MAGI2: variants seen among roughly 807,000 people sequenced by gnomAD.
MAGI2 encodes the protein membrane associated guanylate kinase, WW and PDZ domain containing 2.
MAGI2 carries 35 observed loss-of-function variants against 133.3 expected under a neutral mutation model. The observed-to-expected ratio is 0.26, with a 90% CI of 0.20 to 0.35. The LOEUF (loss-of-function observed/expected upper bound fraction) is 0.35, where lower values mean the gene tolerates loss of function less well. MAGI2 is among the 10% of genes least tolerant of loss of function. MAGI2 has a pLI of 1.00. For synonymous variants in MAGI2, 729 were observed against 710.6 expected (o/e 1.03, Z -0.41); for missense variants, 1,636 against 1,863.4 (o/e 0.88, Z 2.25).
chr7:78,393,771 C>A (rs924167004), intron 6 of MAGI2, among the ~76,000 whole-genome samples: 1 of 152,042 alleles, frequency 6.6e-6, no homozygotes, highest in Admixed American at 6.6e-5. Flanking sequence ...AGTATGTGCA[C>A]GACATTGCCT....
intron 1 of MAGI2, among the ~76,000 whole-genome samples, chr7:79,026,087 T>G (rs760025647): frequency 6.6e-6 from 1 of 152,212 alleles, no homozygotes; most frequent in Non-Finnish European, 1.5e-5. Context: ...TAAAATTTCC[T>G]GAAAATTCAC....
intron 20 of MAGI2, among the ~76,000 whole-genome samples, chr7:78,115,264 A>T (rs971731654): frequency 2.0e-5 from 3 of 152,190 alleles, no homozygotes; most frequent in Admixed American, 1.3e-4. Flanking sequence ...CCTTGCATGA[A>T]CCGGAACCCC....
intron 9 of MAGI2, among the ~76,000 whole-genome samples, chr7:78,267,871 CA>C (rs999057771): frequency 3.3e-5 from 5 of 152,250 alleles, no homozygotes; most frequent in South Asian, 4.2e-4. Context: ...TCAGACACAA[CA>C]GACAAATGGC....
intron 1 of MAGI2, among the ~76,000 whole-genome samples, chr7:79,159,323 G>A (rs1824119410): frequency 6.6e-6 from 1 of 151,948 alleles, no homozygotes; most frequent in Admixed American, 6.6e-5. Context: ...AGACCAGCCT[G>A]GCCAACATGG....
At position 78,860,113 on chromosome 7, in the gene MAGI2, C is replaced by T. The variant is rs534851431; in HGVS notation, c.418+146977G>A. Among the ~76,000 whole-genome samples, 423 of 152,264 alleles carry T rather than the reference C, an allele frequency of 2.8e-3. 4 individuals carry two copies. Among genetic ancestry groups the T allele is most frequent in the Non-Finnish European group, 4.2e-3 (289 of 68,022 alleles). On this transcript the variant is annotated intron_variant, in intron 2 of 21. Transcript: ENST00000354212. The stretch of plus-strand genomic sequence containing the variant: ...ATCAGGTCATTTAAGGTCTTCTCTA[C>T]GCTGTTTATTCTGGTTAGCCATTCG...
chr7:78,491,054 G>A (rs1164149141), intron 5 of MAGI2, among the ~76,000 whole-genome samples: 3 of 152,086 alleles, frequency 2.0e-5, no homozygotes, highest in East Asian at 1.9e-4. Flanking sequence ...AATTTCACAT[G>A]TATTCTCTTT....
chr7:79,070,153 C>T (rs1027694706), intron 1 of MAGI2, among the ~76,000 whole-genome samples: 1 of 152,066 alleles, frequency 6.6e-6, no homozygotes, highest in African/African-American at 2.4e-5. Context: ...TGTTGGCCTG[C>T]CTTGCTAGGC....
rs781377958 is a variant in MAGI2 at position 78,160,051 on chromosome 7, T to C, written c.2819A>G (p.Asn940Ser). The change falls in exon 16 of 22, where the codon AAC becomes AGC. Residue 940 changes from asparagine to serine, a missense_variant. Asn to Ser is a conservative substitution (Grantham distance 46, BLOSUM62 1). This residue lies in a region of MAGI2 where 920 missense variants were observed against 1,093.5 expected (regional missense o/e 0.84). Transcript: ENST00000354212. ...TATAGTGGATCCAGACTCAGGCCTG[T>C]TCAGGGAGCTGATGATGACAAAGCC... ...GFGFVIISSL[N>S]RPESGSTITV... 4.4e-6 allele frequency: 7 copies of C among 1,597,418 alleles called. No individual in the cohort carries two copies. In the South Asian group the frequency reaches 6.8e-5, roughly 16 times the overall value.
At chr7:78,468,299 G>A (rs1584275094) in intron 6 of MAGI2, among the ~76,000 whole-genome samples, 1 of 151,942 alleles carries the variant, frequency 6.6e-6, no homozygotes, top group African/African-American at 2.4e-5. Context: ...CTTTCTCAGG[G>A]GATGCAAACT....
At chr7:78,655,998 G>GA (rs1027876292) in intron 2 of MAGI2, among the ~76,000 whole-genome samples, 5 of 125,150 alleles carry the variant, frequency 4.0e-5, no homozygotes, top group Non-Finnish European at 6.8e-5. Context: ...AAAAAAAAAA[G>GA]AAAAAGAAAA....
intron 9 of MAGI2, among the ~76,000 whole-genome samples, chr7:78,294,155 C>T (rs995254256): frequency 6.6e-6 from 1 of 151,958 alleles, no homozygotes. Flanking sequence ...ATCATTTTTT[C>T]ACATTTTAAT....
intron 5 of MAGI2, among the ~76,000 whole-genome samples, chr7:78,492,946 A>G (rs62467106): frequency 0.089 from 13,555 of 152,236 alleles, 779 homozygotes; most frequent in Non-Finnish European, 0.13. Context: ...TTTTTAGGAT[A>G]AAGCTAATGT....
chr7:79,330,131 C>T (rs1839957223), intron 1 of MAGI2, among the ~76,000 whole-genome samples: 1 of 139,506 alleles, frequency 7.2e-6, no homozygotes, highest in Non-Finnish European at 1.5e-5. Context: ...GAAGAATGAT[C>T]AAATACCTCT....
intron 1 of MAGI2, among the ~76,000 whole-genome samples, chr7:79,019,065 C>T (rs558545876): frequency 3.3e-5 from 5 of 152,162 alleles, no homozygotes; most frequent in Non-Finnish European, 5.9e-5. Flanking sequence ...ACAAAATTCT[C>T]CACCACAAAA....
intron 1 of MAGI2, among the ~76,000 whole-genome samples, chr7:79,443,353 G>T (rs1185453740): frequency 2.7e-5 from 4 of 149,020 alleles, no homozygotes; most frequent in Non-Finnish European, 5.9e-5. Flanking sequence ...CAAATTTGTT[G>T]TTCACTGGGG....
intron 6 of MAGI2, among the ~76,000 whole-genome samples, chr7:78,412,784 A>G (rs575867921): frequency 6.6e-6 from 1 of 152,226 alleles, no homozygotes; most frequent in Non-Finnish European, 1.5e-5. Context: ...ACTGTTTTCA[A>G]GCTTTTAAAC....
intron 10 of MAGI2, among the ~76,000 whole-genome samples, chr7:78,231,446 TTGA>T (rs1271129286): frequency 6.6e-6 from 1 of 152,012 alleles, no homozygotes; most frequent in East Asian, 1.9e-4. Flanking sequence ...AGTACAACAA[TTGA>T]TGATAAACAG....
At chr7:78,445,473 GTT>G (rs1788042555) in intron 6 of MAGI2, among the ~76,000 whole-genome samples, 1 of 151,946 alleles carries the variant, frequency 6.6e-6, no homozygotes, top group Non-Finnish European at 1.5e-5. Context: ...ATGTCTGTTG[GTT>G]GATATATAAT....
chr7:78,627,036 GTAA>G (rs953708751), intron 3 of MAGI2, 81 bp downstream of exon 3: 6 of 1,391,578 alleles, frequency 4.3e-6, no homozygotes, highest in Non-Finnish European at 5.6e-6. Flanking sequence ...CAGCCCATTA[GTAA>G]CCTGGTGTCC....
Sources: allele counts gnomAD v4.1 joint callset (sites outside exome capture counted in the v4.1 genomes callset), GRCh38; gene constraint gnomAD v4.1.1; regional missense constraint gnomAD v4.1.1; transcripts MANE v1.5; gene names NCBI Gene and HGNC (gene_info 2026-07-23, HGNC 2026-07-21).